Variants in OPCML observed in about 807,000 individuals in gnomAD.
OPCML encodes opioid binding protein/cell adhesion molecule like.
In OPCML, 13 loss-of-function variants were observed where a neutral mutation model predicts 37.8. The ratio of observed to expected loss-of-function variants is 0.34; its 90% confidence interval spans 0.22 to 0.55. The LOEUF (loss-of-function observed/expected upper bound fraction) is 0.55. OPCML is among the 20% of genes least tolerant of loss of function. The pLI, the probability that OPCML is intolerant of heterozygous loss-of-function variation, is 0.91. For synonymous variants in OPCML, 176 were observed against 168.8 expected, an observed-to-expected ratio of 1.04 and a Z score of -0.33; for missense variants, 341 against 435.6, an observed-to-expected ratio of 0.78 and a Z score of 1.93.
intron 1 of OPCML, among the ~76,000 whole-genome samples, chr11:133,268,670 C>T (rs1330122758): frequency 6.6e-6 from 1 of 152,138 alleles, no homozygotes; most frequent in East Asian, 1.9e-4. Flanking sequence ...TAAGGTAATG[C>T]ATACACTAGA....
intron 2 of OPCML, among the ~76,000 whole-genome samples, chr11:132,711,069 T>C (rs1944245695): frequency 6.6e-6 from 1 of 152,048 alleles, no homozygotes; most frequent in Non-Finnish European, 1.5e-5. Context: ...AGAGACGTGG[T>C]GGGTGAACGA....
chr11:132,595,960 C>T (rs1028620537), intron 3 of OPCML, among the ~76,000 whole-genome samples: 7 of 152,100 alleles, frequency 4.6e-5, no homozygotes, highest in Non-Finnish European at 1.0e-4. Flanking sequence ...TTGTATTTGG[C>T]TACAATTTCA....
chr11:133,041,594 A>T (rs1713491306), intron 1 of OPCML, among the ~76,000 whole-genome samples: 1 of 152,214 alleles, frequency 6.6e-6, no homozygotes, highest in Non-Finnish European at 1.5e-5. Context: ...ACTGCGTCGC[A>T]TATACCCTTT....
rs577696490 is a variant in OPCML at position 132,899,268 on chromosome 11, A to G, written c.146+43658T>C. Among the ~76,000 whole-genome samples the G allele has an allele frequency of 9.7e-4, 148 of 152,312 alleles. No homozygotes were observed. The Middle Eastern group carries it at 0.01, about 11-fold the overall frequency. ...TAATTGTCATGAGTATTTTCTTCCT[A>G]TCTTGTTAAGGATATGTTTTGGTGT... On this transcript the variant is annotated intron_variant, in intron 2 of 7. Coordinates refer to ENST00000524381, the MANE Select transcript of OPCML (RefSeq NM_001012393.5).
chr11:133,482,613 A>G (rs1007916727), intron 1 of OPCML, among the ~76,000 whole-genome samples: 3 of 152,152 alleles, frequency 2.0e-5, no homozygotes, highest in Admixed American at 6.5e-5. Context: ...GAGCAAAATG[A>G]GCCTGTTCTG....
rs568008641 is a variant in OPCML at position 133,013,653 on chromosome 11, T to A, written c.62-70643A>T. On this transcript the variant is annotated intron_variant, in intron 1 of 7. Transcript: ENST00000524381. ...AAGTGCCACTTATTCTACCGCCTCA[T>A]AACGCCACACTCAACAGTGTATAGT... Among the ~76,000 whole-genome samples, 349 of 152,328 alleles carry A rather than the reference T, an allele frequency of 2.3e-3. 2 individuals carry two copies. The highest frequency in any genetic ancestry group is 3.5e-3 in the Non-Finnish European group (235 of 68,012).
At chr11:132,753,491 G>C (rs1432976961) in intron 2 of OPCML, among the ~76,000 whole-genome samples, 1 of 152,140 alleles carries the variant, frequency 6.6e-6, no homozygotes, top group Non-Finnish European at 1.5e-5. Context: ...CAGCTAGCTG[G>C]CTACATACCT....
At chr11:132,930,370 T>C (rs1361895738) in intron 2 of OPCML, among the ~76,000 whole-genome samples, 1 of 151,486 alleles carries the variant, frequency 6.6e-6, no homozygotes, top group Non-Finnish European at 1.5e-5. Context: ...TGGCACCCTG[T>C]CTCAAAAAAT....
intron 3 of OPCML, among the ~76,000 whole-genome samples, chr11:132,655,043 A>G (rs1941636362): frequency 6.6e-6 from 1 of 152,224 alleles, no homozygotes; most frequent in African/African-American, 2.4e-5. Context: ...GGGATCGCTC[A>G]GCATGTGTTA....
intron 1 of OPCML, chr11:133,004,854 A>T: frequency 1.0e-6 from 1 of 985,402 alleles, no homozygotes; most frequent in Non-Finnish European, 1.2e-6. Flanking sequence ...ACCATCCCCA[A>T]GACAGAAATC....
chr11:132,573,390 T>C (rs539505782), intron 3 of OPCML, among the ~76,000 whole-genome samples: 13 of 152,154 alleles, frequency 8.5e-5, no homozygotes, highest in African/African-American at 3.1e-4. Context: ...GCTTTTCATA[T>C]ATGACTTTTA....
At chr11:132,885,102 C>T (rs147297059) in intron 2 of OPCML, among the ~76,000 whole-genome samples, 152 of 152,312 alleles carry the variant, frequency 1.0e-3, no homozygotes, top group Middle Eastern at 3.4e-3. Context: ...CAATGAGCCA[C>T]GAATGCACCC....
intron 1 of OPCML, among the ~76,000 whole-genome samples, chr11:133,457,095 T>A (rs139046805): frequency 6.6e-6 from 1 of 152,218 alleles, no homozygotes; most frequent in African/African-American, 2.4e-5. Flanking sequence ...ACAAAGAGAA[T>A]CTTGAACAGA....
chr11:133,212,304 C>T lies in OPCML; in HGVS notation c.62-269294G>A, dbSNP rs1392272808. ...CTACACAGCTGGGCATCATCTACCG[C>T]CCTGCTTCCCATTTCCTCTCAGATC... On this transcript the variant is annotated intron_variant, in intron 1 of 7. Transcript: ENST00000524381. This position sits in a 1 kb window ranked among gnomAD's most constrained non-coding sequence, Gnocchi z 4.9. 2.0e-5 allele frequency among the ~76,000 whole-genome samples: 3 copies of T among 152,166 alleles called. No individual in the cohort carries two copies. The highest frequency in any genetic ancestry group is 2.9e-5 in the Non-Finnish European group (2 of 68,030).
At chr11:132,518,763 C>T (rs1162480637) in intron 4 of OPCML, among the ~76,000 whole-genome samples, 2 of 152,192 alleles carry the variant, frequency 1.3e-5, no homozygotes, top group African/African-American at 2.4e-5. Context: ...ATAGCTATCT[C>T]TCCCACTAGA....
At chr11:133,347,444 C>T (rs1944029157) in intron 1 of OPCML, among the ~76,000 whole-genome samples, 1 of 152,166 alleles carries the variant, frequency 6.6e-6, no homozygotes, top group African/African-American at 2.4e-5. Context: ...AAATTATGTT[C>T]ATTGGAAACC....
intron 1 of OPCML, among the ~76,000 whole-genome samples, chr11:133,023,293 GCAGCCAAGCAGTA>G (rs1271459847): frequency 2.6e-5 from 4 of 152,180 alleles, no homozygotes; most frequent in African/African-American, 9.7e-5. Flanking sequence ...AAGCTGCAGT[GCAGCCAAGCAGTA>G]CAGCTAGACA....
At chr11:133,196,949 G>A (rs185317805) in intron 1 of OPCML, among the ~76,000 whole-genome samples, 3 of 152,326 alleles carry the variant, frequency 2.0e-5, no homozygotes, top group Admixed American at 6.5e-5. Context: ...AGGGCATCTT[G>A]CCTTTTCTAG....
intron 1 of OPCML, among the ~76,000 whole-genome samples, chr11:133,358,370 A>T (rs186184015): frequency 6.3e-4 from 96 of 152,332 alleles, no homozygotes; most frequent in Non-Finnish European, 5.9e-5. Context: ...TAAATCTAAC[A>T]TCTCAGCAAC....
Sources: allele counts gnomAD v4.1 joint callset (sites outside exome capture counted in the v4.1 genomes callset), GRCh38; gene constraint gnomAD v4.1.1; non-coding constraint Gnocchi (gnomAD v3.1); transcripts MANE v1.5; gene names NCBI Gene and HGNC (gene_info 2026-07-23, HGNC 2026-07-21).